Variants in ABLIM1 observed in about 807,000 individuals in gnomAD.
ABLIM1 encodes the protein actin binding LIM protein 1.
In ABLIM1, 40 loss-of-function variants were observed where a neutral mutation model predicts 107.0. The observed-to-expected ratio is 0.37, with a 90% CI of 0.29 to 0.49. The LOEUF (loss-of-function observed/expected upper bound fraction) is 0.49, where lower values mean the gene tolerates loss of function less well. Ranked by LOEUF, ABLIM1 falls within the 20% of genes least tolerant of loss-of-function variation. The pLI, the probability that ABLIM1 is intolerant of heterozygous loss-of-function variation, is 0.97. For missense variants in ABLIM1, 857 were observed against 1,008.5 expected (o/e 0.85, Z 2.04); for synonymous variants, 357 against 357.3 (o/e 1.00, Z 0.01).
chr10:114,491,728 A>T, intron 7 of ABLIM1, 63 bp downstream of exon 7: 1 of 1,472,090 alleles, frequency 6.8e-7, no homozygotes, highest in Non-Finnish European at 9.5e-7. Flanking sequence ...CAATCAAACA[A>T]ACATAGCAAG....
intron 12 of ABLIM1, 96 bp downstream of exon 12, chr10:114,465,602 A>T: frequency 6.9e-7 from 1 of 1,459,728 alleles, no homozygotes; most frequent in Non-Finnish European, 9.3e-7. Flanking sequence ...GGAAATGTTT[A>T]GTCGTTGATT....
intron 1 of ABLIM1, among the ~76,000 whole-genome samples, chr10:114,730,359 C>T (rs1411230179): frequency 1.4e-5 from 2 of 145,886 alleles, no homozygotes; most frequent in Non-Finnish European, 3.0e-5. Flanking sequence ...GATCGTGCCA[C>T]TGCACTCCAG....
rs549694191 is a variant in ABLIM1 at position 114,712,860 on chromosome 10, C to A, written c.-213+55201G>T. 6.0e-4 allele frequency among the ~76,000 whole-genome samples: 92 copies of A among 152,212 alleles called. 2 individuals carry two copies. In the South Asian group the frequency reaches 0.019, roughly 31 times the overall value. On this transcript the variant is annotated intron_variant, in intron 1 of 15. Coordinates refer to the ABLIM1 transcript ENST00000651092. ...ATAAAACCGTAGGGCAATGGATTGC[C>A]CCGACTTAGAGCTCCATCCATTAAT...
intron 4 of ABLIM1, among the ~76,000 whole-genome samples, chr10:114,551,900 G>A (rs1476857378): frequency 6.6e-6 from 1 of 151,990 alleles, no homozygotes; most frequent in Non-Finnish European, 1.5e-5. Context: ...TGCCCTGCAC[G>A]GTGCCTCATG....
intron 1 of ABLIM1, among the ~76,000 whole-genome samples, chr10:114,612,014 G>A (rs555301611): frequency 6.6e-6 from 1 of 152,282 alleles, no homozygotes. Flanking sequence ...CAACCTCCCT[G>A]AGACTGTAAA....
At chr10:114,636,138 C>T (rs2078468014) in intron 1 of ABLIM1, among the ~76,000 whole-genome samples, 1 of 152,154 alleles carries the variant, frequency 6.6e-6, no homozygotes, top group Non-Finnish European at 1.5e-5. Context: ...TGAGTCCAAC[C>T]TGGGAAGTCA....
At chr10:114,634,129 C>CCTTTTTTTTT (rs1555212577) in intron 1 of ABLIM1, among the ~76,000 whole-genome samples, 1 of 68,298 alleles carries the variant, frequency 1.5e-5, no homozygotes, top group African/African-American at 6.4e-5. Flanking sequence ...CTCAATTTTT[C>CCTTTTTTTTT]TTTTTTTTTT....
intron 1 of ABLIM1, among the ~76,000 whole-genome samples, chr10:114,644,304 A>T (rs200412051): frequency 4.8e-3 from 274 of 56,646 alleles, no homozygotes; most frequent in African/African-American, 0.019. Flanking sequence ...AAAAAAAAAA[A>T]AAATATATAT....
At chr10:114,783,038 T>C in the ABLIM1 span, among the ~76,000 whole-genome samples, 2 of 151,958 alleles carry the variant, frequency 1.3e-5, no homozygotes, top group African/African-American at 4.8e-5. Context: ...TCCCAGAACT[T>C]TGGGAGGCCG....
chr10:114,542,071 T>C (rs2066732652), intron 6 of ABLIM1, among the ~76,000 whole-genome samples: 1 of 152,198 alleles, frequency 6.6e-6, no homozygotes, highest in Non-Finnish European at 1.5e-5. Flanking sequence ...CGTCTCTCTT[T>C]GTACAGCTGG....
At chr10:114,754,599 G>A (rs946916995) in intron 1 of ABLIM1, among the ~76,000 whole-genome samples, 6 of 152,176 alleles carry the variant, frequency 3.9e-5, no homozygotes, top group African/African-American at 1.4e-4. Context: ...AATGAATCAG[G>A]GGGAAAGGTT....
At position 114,455,306 on chromosome 10, in the gene ABLIM1, A is replaced by G. The variant is rs77735384; in HGVS notation, c.1442-1823T>C. Among the ~76,000 whole-genome samples, 35 of 152,334 alleles carry G rather than the reference A, an allele frequency of 2.3e-4. No homozygotes were observed. In the East Asian group the frequency reaches 6.8e-3, roughly 29 times the overall value. On this transcript the variant is annotated intron_variant, in intron 12 of 22. Coordinates refer to ENST00000533213, the MANE Select transcript of ABLIM1 (RefSeq NM_002313.7). ...TTTTCTTCTCAAGAGCTGGTTTAGCATCCAGACCCAAATATGTTATAATGT... is the reference window on the plus strand; with the variant it reads ...TTTTCTTCTCAAGAGCTGGTTTAGCGTCCAGACCCAAATATGTTATAATGT...
chr10:114,625,591 G>A (rs1368072823), intron 1 of ABLIM1, among the ~76,000 whole-genome samples: 1 of 152,144 alleles, frequency 6.6e-6, no homozygotes, highest in Admixed American at 6.5e-5. Context: ...GCGCCTTCAA[G>A]GAGCTCTATA....
intron 2 of ABLIM1, among the ~76,000 whole-genome samples, chr10:114,584,819 T>C (rs539620362): frequency 5.2e-4 from 79 of 152,276 alleles, no homozygotes; most frequent in Middle Eastern, 3.4e-3. Flanking sequence ...GAGTTTGAAT[T>C]TACAATATTA....
intron 1 of ABLIM1, among the ~76,000 whole-genome samples, chr10:114,623,586 C>G (rs2077604210): frequency 6.6e-6 from 1 of 152,212 alleles, no homozygotes; most frequent in Non-Finnish European, 1.5e-5. Context: ...ACAGAAACGA[C>G]AGATTACCTG....
chr10:114,585,513 G>T (rs553387178), intron 2 of ABLIM1, among the ~76,000 whole-genome samples: 1 of 152,080 alleles, frequency 6.6e-6, no homozygotes, highest in Non-Finnish European at 1.5e-5. Context: ...TCCCCTGCCC[G>T]ATCTCCCCTG....
chr10:114,773,680 C>A, the ABLIM1 span, among the ~76,000 whole-genome samples: 1 of 152,080 alleles, frequency 6.6e-6, no homozygotes, highest in African/African-American at 2.4e-5. Flanking sequence ...TGAGATTGCG[C>A]CACTGCACTC....
chr10:114,631,651 T>C (rs1231384512), intron 1 of ABLIM1, among the ~76,000 whole-genome samples: 2 of 151,738 alleles, frequency 1.3e-5, no homozygotes, highest in African/African-American at 2.4e-5. Context: ...GCAATAGCAA[T>C]CAAAAGAGAC....
intron 1 of ABLIM1, among the ~76,000 whole-genome samples, chr10:114,747,964 C>T (rs1215688712): frequency 6.6e-6 from 1 of 152,124 alleles, no homozygotes; most frequent in South Asian, 2.1e-4. Flanking sequence ...CGCTTGAACT[C>T]GGGAGGCAGA....
Sources: allele counts gnomAD v4.1 joint callset (sites outside exome capture counted in the v4.1 genomes callset), GRCh38; gene constraint gnomAD v4.1.1; transcripts MANE v1.5; gene names NCBI Gene and HGNC (gene_info 2026-07-23, HGNC 2026-07-21).